MAP3K3: variants seen among roughly 807,000 people sequenced by gnomAD.
The protein encoded by MAP3K3 is MAP/ERK kinase kinase 3.
A neutral mutation model predicts 80.9 loss-of-function variants in MAP3K3; 12 were observed. The observed-to-expected ratio is 0.15, with a 90% CI of 0.10 to 0.24. MAP3K3 has a LOEUF of 0.24. Among genes scored for constraint, MAP3K3 ranks in the 10% least tolerant of loss-of-function variants. The pLI is 1.00. For missense variants in MAP3K3, 596 were observed against 834.7 expected, an observed-to-expected ratio of 0.71 and a Z score of 3.52; for synonymous variants, 272 against 307.1, an observed-to-expected ratio of 0.89 and a Z score of 1.19.
intron 2 of MAP3K3, chr17:63,636,777 G>A (rs775006018): frequency 1.5e-5 from 5 of 323,322 alleles, no homozygotes; most frequent in Non-Finnish European, 2.5e-5. Context: ...AAGACAAGGA[G>A]GCAGCCCGGC....
chr17:63,644,682 A>G (rs944481258), intron 2 of MAP3K3, among the ~76,000 whole-genome samples: 1 of 152,172 alleles, frequency 6.6e-6, no homozygotes, highest in African/African-American at 2.4e-5. Flanking sequence ...ACTGGAAGAG[A>G]AGTCTAGTCC....
chr17:63,637,192 CAA>C (rs796796374), intron 2 of MAP3K3: 1,106 of 77,418 alleles, frequency 0.014, no homozygotes, highest in Middle Eastern at 0.044. Flanking sequence ...TGAGACCAAC[CAA>C]AAAAAAAAAA....
chr17:63,672,318 A>T (rs959146995), intron 6 of MAP3K3, among the ~76,000 whole-genome samples: 1 of 151,954 alleles, frequency 6.6e-6, no homozygotes, highest in African/African-American at 2.4e-5. Context: ...AAGAAAAAAT[A>T]ATTTGCAGAT....
chr17:63,676,851 C>A (rs1346709248), intron 6 of MAP3K3, among the ~76,000 whole-genome samples: 1 of 152,200 alleles, frequency 6.6e-6, no homozygotes, highest in Non-Finnish European at 1.5e-5. Flanking sequence ...GGCAGAAAAA[C>A]CAAAGGCTTC....
chr17:63,663,090 T>C (rs1304332511), intron 5 of MAP3K3, among the ~76,000 whole-genome samples: 1 of 152,112 alleles, frequency 6.6e-6, no homozygotes, highest in African/African-American at 2.4e-5. Flanking sequence ...TGAGGAGAAC[T>C]TGTGAGATGT....
chr17:63,639,106 A>G (rs543450813), intron 2 of MAP3K3, among the ~76,000 whole-genome samples: 15 of 152,312 alleles, frequency 9.8e-5, no homozygotes, highest in Admixed American at 9.1e-4. Context: ...GACTACATGA[A>G]AAAAAGAAAG....
chr17:63,622,732 C>T lies in MAP3K3; in HGVS notation c.-28C>T, dbSNP rs1159516969. The T allele has an allele frequency of 1.4e-5, 7 of 512,622 alleles. No individual in the cohort carries two copies. The highest frequency in any genetic ancestry group is 1.1e-4 in the South Asian group (7 of 63,872). The allele number at this position is 512,622 out of a possible 1,614,324, so 31.8% of individuals were successfully genotyped here. A position where few individuals can be genotyped will look rare whatever the true frequency, so the allele number is the denominator to read the frequency against. ...GGCTGCGGAGGTGACACTCACGGAC[C>T]TTAGCCACCGCCGCCGCCATCGCCA... On this transcript the variant is annotated 5_prime_UTR_variant, in exon 1 of 16. Transcript: ENST00000361733.
rs775721157 is a variant in MAP3K3, at chr17:63,688,530, A to G, written c.714A>G (p.Pro238=). 2.5e-6 allele frequency: 4 copies of G among 1,613,902 alleles called. No homozygotes were observed. The highest frequency in any genetic ancestry group is 3.4e-6 in the Non-Finnish European group (4 of 1,179,906). The part of the protein sequence containing the change: ...CQSLDRSADS[P]SFRKSRMSRA... ...TTTTTCTTTTTGTTTTCTCCAGCCC[A>G]TCCTTCCGGAAATCACGAATGTCCC... is the stretch of plus-strand genomic sequence containing the variant. Residue 238 remains proline (P), a synonymous_variant, in exon 9 of 16, where the codon CCA becomes CCG. Coordinates refer to ENST00000361733, the MANE Select transcript of MAP3K3 (RefSeq NM_002401.5).
Position 63,634,577 on chromosome 17 carries a change from A to G in MAP3K3, c.126+1775A>G, listed in dbSNP as rs572768154. 8.8e-5 allele frequency: 65 copies of G among 738,060 alleles called. 1 individual carries two copies. In the South Asian group the frequency reaches 1.1e-3, roughly 13 times the overall value. 45.7% of individuals were successfully genotyped at this position (738,060 alleles called of 1,614,324 possible). A position where few individuals can be genotyped will look rare whatever the true frequency, so the allele number is the denominator to read the frequency against. The stretch of plus-strand genomic sequence containing the variant: ...GTGGTTATGAAGGCAGAAGCCTAAA[A>G]AGGATTGACTGTTAGGAAGTAATCT... On this transcript the variant is annotated intron_variant, in intron 2 of 15. Coordinates refer to ENST00000361733, the MANE Select transcript of MAP3K3 (RefSeq NM_002401.5).
intron 4 of MAP3K3, among the ~76,000 whole-genome samples, chr17:63,657,279 C>G (rs1047633172): frequency 3.3e-5 from 5 of 152,022 alleles, no homozygotes; most frequent in Non-Finnish European, 7.4e-5. Context: ...GGCAGCTCTT[C>G]TCAGAAAGTA....
rs1315781455 is a variant in MAP3K3, at chr17:63,695,273, ACAT to A, written c.*1500_*1502del. On this transcript the variant is annotated 3_prime_UTR_variant, in exon 16 of 16. Transcript: ENST00000361733. This position sits in a 1 kb window ranked among gnomAD's most constrained non-coding sequence, Gnocchi z 4.1. ...TTCTATCGCTGTTTTTAGCCTTTTC[ACAT>A]CATGTAATGTGAGGCCTTGTACTTG... 6.6e-6 allele frequency: 1 copy of A among 152,670 alleles called. No individual in the cohort carries two copies. Among genetic ancestry groups the A allele is most frequent in the Non-Finnish European group, 1.5e-5 (1 of 68,044 alleles). The allele number at this position is 152,670 out of a possible 1,614,324, so 9.5% of individuals were successfully genotyped here.
intron 6 of MAP3K3, among the ~76,000 whole-genome samples, chr17:63,674,747 G>C (rs1372872025): frequency 6.6e-6 from 1 of 152,124 alleles, no homozygotes; most frequent in African/African-American, 2.4e-5. Flanking sequence ...AGGAGACCAT[G>C]GGGGAGCTGA....
At chr17:63,662,648 GA>G (rs2034917167) in intron 5 of MAP3K3, among the ~76,000 whole-genome samples, 2 of 144,904 alleles carry the variant, frequency 1.4e-5, no homozygotes, top group African/African-American at 2.6e-5. Context: ...CCAGAAGAGG[GA>G]ATTTTTTTTT....
Position 63,688,559 on chromosome 17 carries a change from C to T in MAP3K3, c.743C>T (p.Ala248Val). ...TTCCGGAAATCACGAATGTCCCGTG[C>T]CCAGAGCTTCCCTGACAACAGACAG... ...PSFRKSRMSR[A>V]QSFPDNRQEY... is the part of the protein sequence containing the mutation. Residue 248 changes from alanine to valine, a missense_variant, in exon 9 of 16, where the codon GCC becomes GTC. Physicochemically the swap from Ala to Val is moderately conservative, Grantham distance 64. Transcript: ENST00000361733. 2 of 1,614,096 alleles carry T rather than the reference C, an allele frequency of 1.2e-6. No individual in the cohort carries two copies. Among genetic ancestry groups the T allele is most frequent in the Non-Finnish European group, 1.7e-6 (2 of 1,179,974 alleles).
chr17:63,688,554 C>A lies in MAP3K3; in HGVS notation c.738C>A (p.Ser246=), dbSNP rs1449823215. Residue 246 remains serine (S), a synonymous_variant, in exon 9 of 16, where the codon TCC becomes TCA. Coordinates refer to ENST00000361733, the MANE Select transcript of MAP3K3 (RefSeq NM_002401.5). ...CATCCTTCCGGAAATCACGAATGTC[C>A]CGTGCCCAGAGCTTCCCTGACAACA... is the stretch of plus-strand genomic sequence containing the variant. ...DSPSFRKSRM[S]RAQSFPDNRQ... 16 of 1,613,942 alleles carry A rather than the reference C, an allele frequency of 9.9e-6. No individual in the cohort carries two copies. The highest frequency in any genetic ancestry group is 1.4e-5 in the Non-Finnish European group (16 of 1,179,996).
intron 2 of MAP3K3, among the ~76,000 whole-genome samples, chr17:63,641,391 C>T (rs1053431524): frequency 4.6e-5 from 7 of 151,770 alleles, no homozygotes; most frequent in African/African-American, 9.7e-5. Flanking sequence ...TACAGGTGCC[C>T]GCCACCACAC....
In MAP3K3 at chr17:63,689,773, G is replaced by A; in HGVS notation, c.1063+38G>A. The A allele has an allele frequency of 6.4e-7, 1 of 1,572,212 alleles. No individual in the cohort carries two copies. Among genetic ancestry groups the A allele is most frequent in the Non-Finnish European group, 8.7e-7 (1 of 1,154,666 alleles). ...CCCTGGCTAGGAGGAGACTGCCCAG[G>A]TGGTCTCAGACAAGCTACGGGGGCA... On this transcript the variant is annotated intron_variant, in intron 11 of 15. Transcript: ENST00000361733. This position sits in a 1 kb window ranked among gnomAD's most constrained non-coding sequence, Gnocchi z 4.3.
At chr17:63,645,174 A>T (rs1056157246) in intron 2 of MAP3K3, among the ~76,000 whole-genome samples, 1 of 152,146 alleles carries the variant, frequency 6.6e-6, no homozygotes, top group Non-Finnish European at 1.5e-5. Context: ...GGCACTGGGG[A>T]TATAGAAACA....
chr17:63,654,581 A>G (rs1049352785), intron 4 of MAP3K3, among the ~76,000 whole-genome samples: 5 of 152,204 alleles, frequency 3.3e-5, no homozygotes, highest in Non-Finnish European at 5.9e-5. Flanking sequence ...GTATATACCT[A>G]GGCGTGGAAT....
Sources: gnomAD v4.1 joint callset for allele counts (sites outside exome capture counted in the v4.1 genomes callset) on GRCh38, gnomAD v4.1.1 for gene constraint, Gnocchi (gnomAD v3.1) non-coding constraint, MANE v1.5 for transcripts, NCBI Gene and HGNC (gene_info 2026-07-23, HGNC 2026-07-21) for gene names.